The following FAM131B variants were observed in gnomAD, a reference collection of about 807,000 sequenced individuals.
The protein encoded by FAM131B is family with sequence similarity 131 member B, also known as protein FAM131B.
Under a neutral mutation model 42.0 loss-of-function variants are expected in FAM131B, and 19 were observed. The observed-to-expected ratio is 0.45, with a 90% CI of 0.32 to 0.66. The LOEUF (loss-of-function observed/expected upper bound fraction) is 0.66. Among genes scored for constraint, FAM131B ranks in the 30% least tolerant of loss-of-function variants. The pLI is 0.05. For synonymous variants in FAM131B, 183 were observed against 177.6 expected (o/e 1.03, Z -0.24); for missense variants, 370 against 468.4 (o/e 0.79, Z 1.94).
At chr7:143,363,981 T>G (rs1804116537), upstream of FAM131B, 1 of 152,168 alleles carries the variant, frequency 6.6e-6, no homozygotes, top group African/African-American at 2.4e-5. Flanking sequence ...AATTGCAGAT[T>G]GAGGAGATGA....
At chr7:143,378,424 CTGGTCT>C in the FAM131B span, among the ~76,000 whole-genome samples, 24 of 151,226 alleles carry the variant, frequency 1.6e-4, no homozygotes, top group African/African-American at 5.6e-4. Context: ...TCTCCCTGGC[CTGGTCT>C]TAAGCTGTTG....
chr7:143,375,504 A>G, the FAM131B span, among the ~76,000 whole-genome samples: 1 of 152,192 alleles, frequency 6.6e-6, no homozygotes, highest in African/African-American at 2.4e-5. Flanking sequence ...GGTGGCATAA[A>G]TAACTACAGA....
Position 143,353,600 on chromosome 7 carries a change from T to C in FAM131B, c.*2950A>G, listed in dbSNP as rs755892110. The C allele has an allele frequency of 2.0e-5, 3 of 152,600 alleles. No individual in the cohort carries two copies. The highest frequency in any genetic ancestry group is 4.8e-5 in the African/African-American group (2 of 41,420). 9.5% of individuals were successfully genotyped at this position (152,600 alleles called of 1,614,324 possible). The stretch of plus-strand genomic sequence containing the variant: ...AGAATTCTCTCTATAATATATGTCA[T>C]AGAATCTCTCTTGGGCCTGGCGTGG... On this transcript the variant is annotated 3_prime_UTR_variant, in exon 7 of 7. Coordinates refer to ENST00000443739, the MANE Select transcript of FAM131B (RefSeq NM_001031690.3).
At chr7:143,379,176 CTA>C in the FAM131B span, among the ~76,000 whole-genome samples, 1 of 152,108 alleles carries the variant, frequency 6.6e-6, no homozygotes, top group Admixed American at 6.6e-5. Context: ...GCTTTTATTC[CTA>C]TGAGTTATCT....
At position 143,353,556 on chromosome 7, in the gene FAM131B, TATTTA is replaced by T. The variant is rs1298965695; in HGVS notation, c.*2989_*2993del. On this transcript the variant is annotated 3_prime_UTR_variant, in exon 7 of 7. Coordinates refer to ENST00000443739, the MANE Select transcript of FAM131B (RefSeq NM_001031690.3). ...ATGCCCTTGTGTACATAATCTCTAA[TATTTA>T]TATATATTGATATAGAATTCTCTCT... 6.6e-6 allele frequency: 1 copy of T among 152,542 alleles called. No individual in the cohort carries two copies. The highest frequency in any genetic ancestry group is 1.9e-4 in the East Asian group (1 of 5,192). 9.4% of individuals were successfully genotyped at this position (152,542 alleles called of 1,614,324 possible).
the FAM131B span, among the ~76,000 whole-genome samples, chr7:143,374,924 T>C: frequency 6.6e-6 from 1 of 152,170 alleles, no homozygotes; most frequent in African/African-American, 2.4e-5. Context: ...TCCTTTCTCT[T>C]GAGGTTCCTG....
chr7:143,382,206 G>A, the FAM131B span: 2 of 1,554,286 alleles, frequency 1.3e-6, no homozygotes, highest in Non-Finnish European at 1.8e-6. Flanking sequence ...TGGGTGAGGG[G>A]TAGAGGGACC....
rs753212881 is a variant in FAM131B, at chr7:143,359,048, A to G, written c.269-24T>C. 6.2e-7 allele frequency: 1 copy of G among 1,607,260 alleles called. No homozygotes were observed. On this transcript the variant is annotated intron_variant, in intron 4 of 6. Coordinates refer to ENST00000443739, the MANE Select transcript of FAM131B (RefSeq NM_001031690.3). This position sits in a 1 kb window ranked among gnomAD's most constrained non-coding sequence, Gnocchi z 5.4. ...CCCTATGGGGCCAGACATTTCCCAC[A>G]TCCTCCAGAATATCACACAATACCC...
the FAM131B span, among the ~76,000 whole-genome samples, chr7:143,373,582 G>A: frequency 2.0e-5 from 3 of 152,152 alleles, no homozygotes; most frequent in African/African-American, 4.8e-5. Context: ...GGTGGGGGGC[G>A]CTGAGGCGGT....
chr7:143,378,356 T>C, the FAM131B span, among the ~76,000 whole-genome samples: 1 of 152,340 alleles, frequency 6.6e-6, no homozygotes, highest in African/African-American at 2.4e-5. Flanking sequence ...TTATAAATCC[T>C]TGGAGGCGCG....
the FAM131B span, chr7:143,381,590 T>C: frequency 6.2e-7 from 1 of 1,610,630 alleles, no homozygotes; most frequent in Non-Finnish European, 8.5e-7. Flanking sequence ...CCCCCGCCCG[T>C]CTCCCGCGAT....
At position 143,359,062 on chromosome 7, in the gene FAM131B, C is replaced by A; in HGVS notation, c.269-38G>T. ...ACATTTCCCACATCCTCCAGAATAT[C>A]ACACAATACCCATAACCAGACCCTC... is the stretch of plus-strand genomic sequence containing the variant. On this transcript the variant is annotated intron_variant, in intron 4 of 6. Coordinates refer to ENST00000443739, the MANE Select transcript of FAM131B (RefSeq NM_001031690.3). The surrounding 1 kb of genome is among the most constrained non-coding windows in gnomAD (Gnocchi z 5.4). 1 of 1,592,338 alleles carries A rather than the reference C, an allele frequency of 6.3e-7. No individual in the cohort carries two copies.
At position 143,358,721 on chromosome 7, in the gene FAM131B, C is replaced by T. The variant is rs528881457; in HGVS notation, c.466+106G>A. ...GAGCTGTTTGGGAAATGTGAATCTA[C>T]GGTCAAAGTATGGATGGAGCTAATC... On this transcript the variant is annotated intron_variant, in intron 5 of 6. Coordinates refer to ENST00000443739, the MANE Select transcript of FAM131B (RefSeq NM_001031690.3). The surrounding 1 kb of genome is among the most constrained non-coding windows in gnomAD (Gnocchi z 4.7). 21 of 809,256 alleles carry T rather than the reference C, an allele frequency of 2.6e-5. No individual in the cohort carries two copies. Among genetic ancestry groups the T allele is most frequent in the East Asian group, 5.3e-5 (2 of 37,542 alleles). The allele number at this position is 809,256 out of a possible 1,614,324, so 50.1% of individuals were successfully genotyped here.
the FAM131B span, among the ~76,000 whole-genome samples, chr7:143,376,659 A>G: frequency 4.6e-5 from 7 of 152,256 alleles, no homozygotes; most frequent in Non-Finnish European, 1.0e-4. Context: ...CAACCCATCC[A>G]TGGTTCATCA....
intron 1 of FAM131B, chr7:143,360,498 A>T: frequency 1.2e-6 from 1 of 851,270 alleles, no homozygotes; most frequent in Non-Finnish European, 1.5e-6. Flanking sequence ...ACAAGTCTAC[A>T]GATAAGGGCA....
At chr7:143,374,219 C>T in the FAM131B span, among the ~76,000 whole-genome samples, 1 of 152,116 alleles carries the variant, frequency 6.6e-6, no homozygotes, top group Non-Finnish European at 1.5e-5. Context: ...CCTACTCATT[C>T]TCAGTACGTC....
Position 143,362,004 on chromosome 7 carries a change from G to A in FAM131B, c.28+572C>T, listed in dbSNP as rs952015597. On this transcript the variant is annotated intron_variant, in intron 1 of 6. Coordinates refer to ENST00000443739, the MANE Select transcript of FAM131B (RefSeq NM_001031690.3). This position sits in a 1 kb window ranked among gnomAD's most constrained non-coding sequence, Gnocchi z 7.7. ...GGGCTCATCCCGCCCCCGCCCCAGA[G>A]GGAAAACGCACGTGAACAAAGCGAA... is the stretch of plus-strand genomic sequence containing the variant. The A allele has an allele frequency of 8.5e-6, 8 of 946,380 alleles. No homozygotes were observed. The highest frequency in any genetic ancestry group is 1.2e-4 in the East Asian group (1 of 8,608). 58.6% of individuals were successfully genotyped at this position (946,380 alleles called of 1,614,324 possible). A position where few individuals can be genotyped will look rare whatever the true frequency, so the allele number is the denominator to read the frequency against.
At chr7:143,382,168 G>T in the FAM131B span, 2 of 1,215,496 alleles carry the variant, frequency 1.6e-6, no homozygotes, top group East Asian at 2.4e-5. Flanking sequence ...CTTGGGTTAG[G>T]GGTTAGAGCG....
chr7:143,368,917 T>TTAA, the FAM131B span, among the ~76,000 whole-genome samples: 5 of 152,224 alleles, frequency 3.3e-5, no homozygotes, highest in Non-Finnish European at 5.9e-5. Context: ...AATAATGTGT[T>TTAA]TAATACATAG....
Sources: allele counts gnomAD v4.1 joint callset (sites outside exome capture counted in the v4.1 genomes callset), GRCh38; gene constraint gnomAD v4.1.1; non-coding constraint Gnocchi (gnomAD v3.1); transcripts MANE v1.5; gene names NCBI Gene and HGNC (gene_info 2026-07-23, HGNC 2026-07-21).